SCEL: variants seen among roughly 807,000 people sequenced by gnomAD.
SCEL encodes the protein sciellin.
In SCEL, 113 loss-of-function variants were observed where a neutral mutation model predicts 117.6. The ratio of observed to expected loss-of-function variants is 0.96; its 90% CI spans 0.83 to 1.12. The LOEUF (loss-of-function observed/expected upper bound fraction) is 1.12. Ranked by LOEUF, SCEL falls within the 50% of genes most tolerant of loss-of-function variation. The probability of loss-of-function intolerance (pLI) is 0.00; values close to 1 mark genes in which losing one functional copy is unlikely to be tolerated. For missense variants in SCEL, 785 were observed against 810.8 expected (o/e 0.97, Z 0.39); for synonymous variants, 270 against 256.2 (o/e 1.05, Z -0.51).
intron 31 of SCEL, among the ~76,000 whole-genome samples, chr13:77,641,666 A>G (rs978267607): frequency 3.3e-5 from 5 of 152,162 alleles, no homozygotes; most frequent in African/African-American, 1.2e-4. Context: ...TGATTAATCT[A>G]ATGTACAGTC....
Position 77,561,930 on chromosome 13 carries a change from G to GC in SCEL, c.222-1900dup, listed in dbSNP as rs552642908. On this transcript the variant is annotated intron_variant, in intron 4 of 32. Transcript: ENST00000349847. ...AGATGACAATGTGTGCAGAGAGCTG[G>GC]CATGAGTGGGGTCTGAAAATAAAGG... Among the ~76,000 whole-genome samples the GC allele has an allele frequency of 3.9e-5, 6 of 152,334 alleles. No homozygotes were observed. In the East Asian group the frequency reaches 1.2e-3, roughly 29 times the overall value.
chr13:77,565,251 T>C (rs1016054401), intron 5 of SCEL, among the ~76,000 whole-genome samples: 1 of 152,152 alleles, frequency 6.6e-6, no homozygotes, highest in Non-Finnish European at 1.5e-5. Flanking sequence ...AGTGGGCTCT[T>C]AAACTTTATT....
At position 77,605,833 on chromosome 13, in the gene SCEL, T is replaced by C. The variant is rs538859967; in HGVS notation, c.1157+1418T>C. ...CATCCTGGCTAACACAGCGAAACCC[T>C]GTCTCTATTAAAAATACAAAAAGTT... is the stretch of plus-strand genomic sequence containing the variant. On this transcript the variant is annotated intron_variant, in intron 19 of 32. Coordinates refer to ENST00000349847, the MANE Select transcript of SCEL (RefSeq NM_144777.3). 5.9e-5 allele frequency among the ~76,000 whole-genome samples: 9 copies of C among 152,036 alleles called. No individual in the cohort carries two copies. The South Asian group carries it at 1.9e-3, about 31-fold the overall frequency.
chr13:77,584,058 G>A (rs1450410040), intron 9 of SCEL, among the ~76,000 whole-genome samples: 1 of 152,342 alleles, frequency 6.6e-6, no homozygotes, highest in East Asian at 1.9e-4. Flanking sequence ...GGACCCTTGA[G>A]GGGTCTGGGG....
chr13:77,569,337 A>G lies in SCEL; in HGVS notation c.399-34A>G, dbSNP rs970640490. The G allele has an allele frequency of 1.9e-6, 3 of 1,543,532 alleles. No homozygotes were observed. In the East Asian group the frequency reaches 6.7e-5, roughly 35 times the overall value. ...GTAGGCTGAAATGAAAAAGTTTGAG[A>G]GTGGGATTAATTGTTGTTCTTGTCA... On this transcript the variant is annotated intron_variant, in intron 7 of 32. Transcript: ENST00000349847.
intron 1 of SCEL, among the ~76,000 whole-genome samples, chr13:77,550,476 T>C (rs967210269): frequency 2.0e-5 from 3 of 151,310 alleles, no homozygotes; most frequent in Non-Finnish European, 4.4e-5. Flanking sequence ...AGTATTTTAA[T>C]TTTACCCCAA....
chr13:77,623,362 T>A (rs2089530502), intron 27 of SCEL: 1 of 152,168 alleles, frequency 6.6e-6, no homozygotes, highest in South Asian at 2.1e-4. Flanking sequence ...ATTATTCAGA[T>A]TAAAATCTTG....
intron 5 of SCEL, among the ~76,000 whole-genome samples, 161 bp downstream of exon 5, chr13:77,564,060 A>G (rs1424361490): frequency 6.6e-6 from 1 of 152,166 alleles, no homozygotes; most frequent in Non-Finnish European, 1.5e-5. Flanking sequence ...TCTTCTTCAG[A>G]TCTCACTAAA....
chr13:77,564,915 C>T (rs763298872), intron 5 of SCEL, among the ~76,000 whole-genome samples: 3 of 152,098 alleles, frequency 2.0e-5, no homozygotes, highest in South Asian at 2.1e-4. Flanking sequence ...AATTATCATC[C>T]TTGTCAAAAA....
intron 24 of SCEL, among the ~76,000 whole-genome samples, chr13:77,614,330 C>T (rs1352786620): frequency 6.6e-6 from 1 of 152,162 alleles, no homozygotes; most frequent in Non-Finnish European, 1.5e-5. Context: ...AAGACCTAGA[C>T]ACTTCCATTA....
intron 17 of SCEL, 39 bp downstream of exon 17, chr13:77,602,752 T>C: frequency 6.4e-7 from 1 of 1,556,820 alleles, no homozygotes; most frequent in Non-Finnish European, 8.9e-7. Context: ...TTGGTTATTT[T>C]CTCTCATATT....
At chr13:77,636,042 C>T (rs1023267151) in intron 29 of SCEL, among the ~76,000 whole-genome samples, 5 of 152,064 alleles carry the variant, frequency 3.3e-5, no homozygotes, top group Non-Finnish European at 5.9e-5. Flanking sequence ...GTCTGTTGAC[C>T]GGAAGCCTCT....
chr13:77,552,156 C>T lies in SCEL; in HGVS notation c.-19-3701C>T, dbSNP rs1184920790. 5.3e-5 allele frequency among the ~76,000 whole-genome samples: 8 copies of T among 152,054 alleles called. No homozygotes were observed. The East Asian group carries it at 9.6e-4, about 18-fold the overall frequency. On this transcript the variant is annotated intron_variant, in intron 1 of 32. Transcript: ENST00000349847. ...TGTGAACAGTGCCGCCATAAACATA[C>T]GTGTGCATGTGTCTTTATAGCAGCA...
At chr13:77,567,968 G>T (rs1051792318) in intron 6 of SCEL, among the ~76,000 whole-genome samples, 1 of 152,140 alleles carries the variant, frequency 6.6e-6, no homozygotes, top group Non-Finnish European at 1.5e-5. Context: ...TTATGTTTCT[G>T]TTTAAGTTGT....
intron 15 of SCEL, 118 bp from the exon 16 acceptor site, chr13:77,601,947 A>G (rs2087733634): frequency 1.4e-6 from 1 of 706,980 alleles, no homozygotes; most frequent in East Asian, 2.8e-5. Context: ...CACTGATTGT[A>G]TCTTATGAGA....
intron 13 of SCEL, among the ~76,000 whole-genome samples, chr13:77,598,240 T>C (rs141382025): frequency 1.3e-3 from 203 of 152,322 alleles, no homozygotes; most frequent in African/African-American, 4.7e-3. Flanking sequence ...GAAAAATGAA[T>C]AATCAAGGCT....
At chr13:77,623,822 G>T (rs2089561492) in intron 27 of SCEL, among the ~76,000 whole-genome samples, 1 of 152,198 alleles carries the variant, frequency 6.6e-6, no homozygotes, top group Non-Finnish European at 1.5e-5. Context: ...AAGCCAGGAG[G>T]AGTTAAAGAT....
chr13:77,611,891 C>G (rs1156735700), intron 22 of SCEL, among the ~76,000 whole-genome samples: 1 of 152,100 alleles, frequency 6.6e-6, no homozygotes, highest in Non-Finnish European at 1.5e-5. Flanking sequence ...TATTATTACT[C>G]TTAAAATTTT....
rs76248981 is a variant in SCEL at position 77,569,136 on chromosome 13, A to G, written c.399-235A>G. 4.4e-3 allele frequency among the ~76,000 whole-genome samples: 675 copies of G among 152,346 alleles called. 19 individuals carry two copies. In the East Asian group the frequency reaches 0.081, roughly 18 times the overall value. ...AATTTCCGACAGTTAATGTCATTTT[A>G]TGAATCACTTCTTTATTCTATTCCT... On this transcript the variant is annotated intron_variant, in intron 7 of 32. Coordinates refer to ENST00000349847, the MANE Select transcript of SCEL (RefSeq NM_144777.3).
Sources: gnomAD v4.1 joint callset for allele counts (sites outside exome capture counted in the v4.1 genomes callset) on GRCh38, gnomAD v4.1.1 for gene constraint, MANE v1.5 for transcripts, NCBI Gene and HGNC (gene_info 2026-07-23, HGNC 2026-07-21) for gene names.